The following KLHDC4 variants were observed in gnomAD, a reference collection of about 807,000 sequenced individuals.
KLHDC4 encodes kelch domain-containing protein 4.
A neutral mutation model predicts 62.4 loss-of-function variants in KLHDC4; 90 were observed. The observed-to-expected ratio is 1.44, with a 90% confidence interval of 1.22 to 1.72. KLHDC4 has a LOEUF of 1.72. Ranked by LOEUF, KLHDC4 falls within the 40% of genes most tolerant of loss-of-function variation. The probability of loss-of-function intolerance (pLI) is 0.00; values close to 1 mark genes in which losing one functional copy is unlikely to be tolerated. For synonymous variants in KLHDC4, 386 were observed against 284.4 expected (o/e 1.36, Z -3.59); for missense variants, 1,025 against 699.7 (o/e 1.47, Z -5.25).
At chr16:87,727,575 G>C (rs1440433524) in intron 6 of KLHDC4, among the ~76,000 whole-genome samples, 2 of 152,232 alleles carry the variant, frequency 1.3e-5, no homozygotes, top group Non-Finnish European at 2.9e-5. Context: ...GCCCTGCTCA[G>C]TGCCTGCCGG....
At chr16:87,716,387 G>A (rs1036059967) in intron 7 of KLHDC4, among the ~76,000 whole-genome samples, 7 of 152,152 alleles carry the variant, frequency 4.6e-5, no homozygotes, top group East Asian at 3.8e-4. Flanking sequence ...CGCAGAGTTC[G>A]GCTATGCTCT....
intron 5 of KLHDC4, among the ~76,000 whole-genome samples, chr16:87,743,511 G>A (rs1306784405): frequency 6.6e-6 from 1 of 152,042 alleles, no homozygotes; most frequent in Non-Finnish European, 1.5e-5. Flanking sequence ...AGGCCGAGGT[G>A]GGTGGATCAT....
intron 2 of KLHDC4, among the ~76,000 whole-genome samples, chr16:87,760,606 CAAAAAA>C (rs546426686): frequency 5.7e-4 from 30 of 52,184 alleles, no homozygotes; most frequent in African/African-American, 2.0e-3. Flanking sequence ...GACTCCGTCC[CAAAAAA>C]AAAAAAAAAA....
At chr16:87,721,886 C>G (rs1355378096) in intron 7 of KLHDC4, among the ~76,000 whole-genome samples, 1 of 152,068 alleles carries the variant, frequency 6.6e-6, no homozygotes, top group Non-Finnish European at 1.5e-5. Context: ...GACTCCGCCC[C>G]TCGCTGCCCA....
intron 6 of KLHDC4, chr16:87,729,503 C>A (rs1223751473): frequency 6.6e-6 from 1 of 152,254 alleles, no homozygotes; most frequent in Non-Finnish European, 1.5e-5. Flanking sequence ...ACACTTCACT[C>A]AGAACACAAC....
At chr16:87,707,424 C>G (rs1330917635), downstream of KLHDC4, among the ~76,000 whole-genome samples, 1 of 152,222 alleles carries the variant, frequency 6.6e-6, no homozygotes, top group African/African-American at 2.4e-5. Flanking sequence ...AGGTGGCTCC[C>G]AGGAGTGAGG....
Position 87,709,414 on chromosome 16 carries a change from G to C in KLHDC4, c.1298C>G (p.Ser433Cys), listed in dbSNP as rs375545725. The change falls in exon 10 of 12, where the codon TCC becomes TGC. Residue 433 changes from serine (S) to cysteine (C), a missense_variant. Transcript: ENST00000270583. ...ATGCTTCACAGCCAGCATGGCGTTG[G>C]AGCGTGGACACGGCCCAGGTGCGGG... is the stretch of plus-strand genomic sequence containing the variant. ...GSPAPGPCPR[S>C]NAMLAVKHGV... 368 of 1,613,198 alleles carry C rather than the reference G, an allele frequency of 2.3e-4. No individual in the cohort carries two copies. The highest frequency in any genetic ancestry group is 4.0e-4 in the Admixed American group (24 of 60,032).
chr16:87,701,817 C>G (rs757024927), exon 1 of KLHDC4: 1 of 456,760 alleles, frequency 2.2e-6, no homozygotes, highest in Non-Finnish European at 4.4e-6. Flanking sequence ...ACAGAGGCCT[C>G]CAGCTGCACC....
intron 7 of KLHDC4, among the ~76,000 whole-genome samples, chr16:87,724,434 C>T (rs2038986337): frequency 6.6e-6 from 1 of 152,142 alleles, no homozygotes; most frequent in Non-Finnish European, 1.5e-5. Context: ...CCAGCCAAGC[C>T]ACTACTGGGA....
At chr16:87,705,227 C>T (rs1008856612), downstream of KLHDC4, among the ~76,000 whole-genome samples, 5 of 152,370 alleles carry the variant, frequency 3.3e-5, no homozygotes, top group South Asian at 4.1e-4. Flanking sequence ...GCTTTCGTGC[C>T]GGCCGCTCAC....
chr16:87,708,219 C>T (rs2035033163), intron 11 of KLHDC4, 131 bp downstream of exon 11: 2 of 656,230 alleles, frequency 3.0e-6, no homozygotes, highest in Admixed American at 2.8e-5. Flanking sequence ...TAGCAAGCTG[C>T]CCAAATTACT....
intron 7 of KLHDC4, 68 bp from the exon 8 acceptor site, chr16:87,714,641 C>T (rs2036576552): frequency 1.9e-6 from 3 of 1,546,386 alleles, no homozygotes. Context: ...CCCCCCAACC[C>T]TGTGGGCGCA....
At chr16:87,728,701 C>A (rs1899601102) in intron 6 of KLHDC4, among the ~76,000 whole-genome samples, 1 of 152,104 alleles carries the variant, frequency 6.6e-6, no homozygotes, top group African/African-American at 2.4e-5. Flanking sequence ...GAACATAAGG[C>A]TAGGCGCGGG....
chr16:87,749,354 G>A (rs144446173), intron 4 of KLHDC4, among the ~76,000 whole-genome samples: 2,539 of 152,056 alleles, frequency 0.017, 36 homozygotes, highest in Non-Finnish European at 0.025. Flanking sequence ...AAGAAATAGA[G>A]ACCATCCTGG....
At chr16:87,707,329 G>A (rs112357467), downstream of KLHDC4, among the ~76,000 whole-genome samples, 2 of 152,224 alleles carry the variant, frequency 1.3e-5, no homozygotes, top group African/African-American at 2.4e-5. Flanking sequence ...CTGTCGCTTT[G>A]CAAATGCTAA....
intron 5 of KLHDC4, among the ~76,000 whole-genome samples, chr16:87,731,518 G>A (rs546398262): frequency 1.3e-5 from 2 of 151,930 alleles, no homozygotes; most frequent in Admixed American, 6.6e-5. Context: ...CATCACGAGC[G>A]GTCAGGGAAA....
Position 87,756,330 on chromosome 16 carries a change from C to CTTAA in KLHDC4, c.270+65_270+68dup, listed in dbSNP as rs1053340177. On this transcript the variant is annotated intron_variant, in intron 3 of 11. Transcript: ENST00000270583. ...GCTAACGCATATTTGATGTCACTGC[C>CTTAA]TTAAGTTAACTTTCTGTCAAATGAT... The CTTAA allele has an allele frequency of 2.3e-4, 272 of 1,204,180 alleles. 1 individual carries two copies. The Admixed American group carries it at 4.6e-3, about 20-fold the overall frequency. The allele number at this position is 1,204,180 out of a possible 1,614,324, so 74.6% of individuals were successfully genotyped here.
At chr16:87,720,178 A>G (rs373640411) in intron 7 of KLHDC4, among the ~76,000 whole-genome samples, 1 of 152,246 alleles carries the variant, frequency 6.6e-6, no homozygotes, top group Non-Finnish European at 1.5e-5. Context: ...GCCAGGTCAC[A>G]GAATGGGCCG....
chr16:87,712,752 T>G (rs567326502), intron 8 of KLHDC4, among the ~76,000 whole-genome samples: 1 of 152,360 alleles, frequency 6.6e-6, no homozygotes, highest in East Asian at 1.9e-4. Flanking sequence ...TGAGGAATTT[T>G]AGTGCAAGAA....
Sources: allele counts gnomAD v4.1 joint callset (sites outside exome capture counted in the v4.1 genomes callset), GRCh38; gene constraint gnomAD v4.1.1; transcripts MANE v1.5; gene names NCBI Gene and HGNC (gene_info 2026-07-23, HGNC 2026-07-21).